RARB: variants seen among roughly 807,000 people sequenced by gnomAD.
The protein encoded by RARB is retinoic acid receptor beta.
A neutral mutation model predicts 51.9 loss-of-function variants in RARB; 17 were observed. The observed-to-expected ratio is 0.33, with a 90% CI of 0.22 to 0.49. The LOEUF is 0.49. Among genes scored for constraint, RARB ranks in the 20% least tolerant of loss-of-function variants. The probability of loss-of-function intolerance (pLI) is 0.99; values close to 1 mark genes in which losing one functional copy is unlikely to be tolerated. For missense variants in RARB, 369 were observed against 550.8 expected, an observed-to-expected ratio of 0.67 and a Z score of 3.30; for synonymous variants, 215 against 195.4, an observed-to-expected ratio of 1.10 and a Z score of -0.84.
chr3:25,426,449 C>T (rs1455854271), upstream of RARB, among the ~76,000 whole-genome samples: 2 of 152,184 alleles, frequency 1.3e-5, no homozygotes, highest in Admixed American at 1.3e-4. Flanking sequence ...TAAGTGTGTG[C>T]GATGCATACT....
chr3:25,314,652 T>C (rs1704373210), intron 5 of RARB, among the ~76,000 whole-genome samples: 1 of 151,978 alleles, frequency 6.6e-6, no homozygotes, highest in Non-Finnish European at 1.5e-5. Context: ...TCTGGTGGAG[T>C]ATTTTTTTAT....
At chr3:25,345,609 G>A (rs953126441) in intron 5 of RARB, among the ~76,000 whole-genome samples, 4 of 148,214 alleles carry the variant, frequency 2.7e-5, no homozygotes, top group Admixed American at 6.7e-5. Context: ...AGGTTGCAGT[G>A]AGCCGAGATC....
chr3:25,434,054 G>GC (rs888485730), intron 1 of RARB, among the ~76,000 whole-genome samples: 9 of 152,144 alleles, frequency 5.9e-5, no homozygotes, highest in African/African-American at 2.2e-4. Flanking sequence ...AAGACTCTCT[G>GC]CCCCCTGCGC....
rs546050122 is a variant in RARB, at chr3:25,087,068, A to G, written c.-328+26892A>G. Among the ~76,000 whole-genome samples, 15 of 152,252 alleles carry G rather than the reference A, an allele frequency of 9.9e-5. No individual in the cohort carries two copies. The South Asian group carries it at 2.7e-3, about 27-fold the overall frequency. ...ATGTCCAAGAAATGCATTTTGGGGT[A>G]ATATAATTCGATTTTTTTCAGGGCC... On this transcript the variant is annotated intron_variant, in intron 3 of 11. Coordinates refer to the RARB transcript ENST00000383772.
chr3:25,174,771 C>A (rs1021538799), intron 5 of RARB, among the ~76,000 whole-genome samples: 17 of 152,282 alleles, frequency 1.1e-4, no homozygotes, highest in African/African-American at 3.9e-4. Flanking sequence ...TAGAATTCAA[C>A]CCGTTCAAAG....
Position 25,052,791 on chromosome 3 carries a change from A to G in RARB, c.-379-7334A>G, listed in dbSNP as rs114539012. On this transcript the variant is annotated intron_variant, in intron 2 of 11. Coordinates refer to the RARB transcript ENST00000383772. ...CACCAGAGGTAGTTTTGTGTTCTCC[A>G]TCTAGAAATACGTATGTGACTTCTT... Among the ~76,000 whole-genome samples, 696 of 152,238 alleles carry G rather than the reference A, an allele frequency of 4.6e-3. 6 individuals are homozygous for G. The highest frequency in any genetic ancestry group is 0.016 in the African/African-American group (656 of 41,538).
At chr3:25,256,543 T>C (rs1702869123) in intron 5 of RARB, among the ~76,000 whole-genome samples, 1 of 152,144 alleles carries the variant, frequency 6.6e-6, no homozygotes, top group African/African-American at 2.4e-5. Context: ...AAAATTCTTA[T>C]GAAAACAAAA....
chr3:25,043,291 G>A (rs1698148987), intron 2 of RARB, among the ~76,000 whole-genome samples: 1 of 152,170 alleles, frequency 6.6e-6, no homozygotes, highest in South Asian at 2.1e-4. Context: ...CACATAAAAT[G>A]TGTATCTGGC....
At chr3:25,137,485 A>C (rs2125335657) in intron 4 of RARB, among the ~76,000 whole-genome samples, 1 of 152,174 alleles carries the variant, frequency 6.6e-6, no homozygotes, top group Admixed American at 6.6e-5. Flanking sequence ...AACTTACAGA[A>C]AAACCCAGTG....
At chr3:24,965,206 G>A (rs1373583762) in intron 2 of RARB, among the ~76,000 whole-genome samples, 3 of 152,134 alleles carry the variant, frequency 2.0e-5, no homozygotes, top group Non-Finnish European at 4.4e-5. Context: ...AATTTCTTGT[G>A]TTGAGTGTAT....
chr3:25,489,660 G>C (rs530757026), intron 2 of RARB, among the ~76,000 whole-genome samples: 134 of 152,390 alleles, frequency 8.8e-4, no homozygotes, highest in Non-Finnish European at 1.5e-3. Flanking sequence ...GTGGGGGCTT[G>C]GCGGGAGCCT....
intron 2 of RARB, among the ~76,000 whole-genome samples, chr3:24,874,357 T>C (rs1475431429): frequency 6.6e-6 from 1 of 152,116 alleles, no homozygotes; most frequent in Non-Finnish European, 1.5e-5. Context: ...TTGTTCTTCA[T>C]TGGTGATTCT....
At chr3:25,318,899 T>C (rs184239769) in intron 5 of RARB, among the ~76,000 whole-genome samples, 170 of 152,330 alleles carry the variant, frequency 1.1e-3, no homozygotes, top group African/African-American at 3.9e-3. Context: ...TGTGTCAATT[T>C]ACCAACCTTT....
At chr3:25,287,832 A>T (rs1276136521) in intron 5 of RARB, among the ~76,000 whole-genome samples, 1 of 152,032 alleles carries the variant, frequency 6.6e-6, no homozygotes, top group South Asian at 2.1e-4. Flanking sequence ...TGATAGATAC[A>T]TTTCTCTTCT....
intron 5 of RARB, among the ~76,000 whole-genome samples, chr3:25,221,191 AG>A (rs1701940998): frequency 6.6e-6 from 1 of 152,234 alleles, no homozygotes; most frequent in Non-Finnish European, 1.5e-5. Flanking sequence ...AAAAGGAATT[AG>A]GAGGAACTAC....
At chr3:25,009,344 AT>A (rs547927559) in intron 2 of RARB, among the ~76,000 whole-genome samples, 1 of 152,022 alleles carries the variant, frequency 6.6e-6, no homozygotes, top group Admixed American at 6.6e-5. Context: ...CATACATGTC[AT>A]TTTTTTTACA....
chr3:24,929,051 T>G (rs1390451610), intron 2 of RARB, among the ~76,000 whole-genome samples: 1 of 152,058 alleles, frequency 6.6e-6, no homozygotes, highest in Non-Finnish European at 1.5e-5. Context: ...TTTAAAAAGC[T>G]TTAGAAAAGA....
intron 2 of RARB, among the ~76,000 whole-genome samples, chr3:25,029,202 A>G (rs1482320451): frequency 2.0e-5 from 3 of 152,192 alleles, no homozygotes; most frequent in Admixed American, 1.3e-4. Context: ...AAAGTGGGAA[A>G]CTGTCTTGGA....
chr3:25,114,846 T>C (rs1699660068), intron 3 of RARB, among the ~76,000 whole-genome samples: 1 of 152,166 alleles, frequency 6.6e-6, no homozygotes. Context: ...TGCACTATCA[T>C]TGCTCTTTAT....
Sources: gnomAD v4.1 joint callset for allele counts (sites outside exome capture counted in the v4.1 genomes callset) on GRCh38, gnomAD v4.1.1 for gene constraint, MANE v1.5 for transcripts, NCBI Gene and HGNC (gene_info 2026-07-23, HGNC 2026-07-21) for gene names.